TEX2: variants seen among roughly 807,000 people sequenced by gnomAD.
The protein encoded by TEX2 is testis-expressed protein 2.
A neutral mutation model predicts 106.9 loss-of-function variants in TEX2; 53 were observed. The observed-to-expected ratio is 0.50, with a 90% CI of 0.40 to 0.62. TEX2 has a LOEUF of 0.62. Among genes scored for constraint, TEX2 ranks in the 20% least tolerant of loss-of-function variants. TEX2 has a pLI of 0.00. For synonymous variants in TEX2, 523 were observed against 534.8 expected (o/e 0.98, Z 0.30); for missense variants, 1,207 against 1,379.0 (o/e 0.88, Z 1.98).
chr17:64,147,997 G>A lies in TEX2; in HGVS notation c.*972C>T, dbSNP rs773215030. 1 of 152,564 alleles carries A rather than the reference G, an allele frequency of 6.6e-6. No individual in the cohort carries two copies. The highest frequency in any genetic ancestry group is 2.1e-4 in the South Asian group (1 of 4,830). The allele number at this position is 152,564 out of a possible 1,614,324, so 9.5% of individuals were successfully genotyped here. ...TAATTTTGAGATGTAGTGTGATGCTGAGCAAACTTTTGGTCTTGACTCTTG... is the reference window on the plus strand; with the variant it reads ...TAATTTTGAGATGTAGTGTGATGCTAAGCAAACTTTTGGTCTTGACTCTTG... On this transcript the variant is annotated 3_prime_UTR_variant, in exon 12 of 12. Transcript: ENST00000584379.
chr17:64,221,012 T>C (rs1363957553), intron 1 of TEX2, among the ~76,000 whole-genome samples: 2 of 152,192 alleles, frequency 1.3e-5, no homozygotes, highest in African/African-American at 4.8e-5. Flanking sequence ...CATGGAATAC[T>C]ATGCAGCCAT....
In TEX2 at chr17:64,150,937, A is replaced by G. The variant is rs766071039; in HGVS notation, c.3165T>C (p.His1055=). Residue 1055 remains histidine, a synonymous_variant, in exon 11 of 12, where the codon CAT becomes CAC. Coordinates refer to ENST00000584379, the MANE Select transcript of TEX2 (RefSeq NM_001288732.2). The part of the protein sequence containing the change: ...RVWYGFRKPP[H]VELKARPKLG... Reference sequence around the variant, plus strand: ...GTTTTGGCCGAGCTTTCAGCTCCACATGTGGTGGCTTTCGGAAACCATACC... The same window carrying G: ...GTTTTGGCCGAGCTTTCAGCTCCACGTGTGGTGGCTTTCGGAAACCATACC... The G allele has an allele frequency of 6.2e-7, 1 of 1,614,008 alleles. No homozygotes were observed. Among genetic ancestry groups the G allele is most frequent in the South Asian group, 1.1e-5 (1 of 91,038 alleles).
chr17:64,259,042 C>G (rs906334002), intron 1 of TEX2, among the ~76,000 whole-genome samples: 1 of 152,182 alleles, frequency 6.6e-6, no homozygotes, highest in Non-Finnish European at 1.5e-5. Flanking sequence ...GCCACCGCGC[C>G]CTGTCCTGGA....
At chr17:64,251,538 C>T (rs1434588429) in intron 1 of TEX2, among the ~76,000 whole-genome samples, 1 of 152,194 alleles carries the variant, frequency 6.6e-6, no homozygotes, top group East Asian at 1.9e-4. Flanking sequence ...AACATTATCT[C>T]GGCATCAAGT....
intron 5 of TEX2, among the ~76,000 whole-genome samples, chr17:64,181,431 G>A (rs929245451): frequency 7.0e-6 from 1 of 142,948 alleles, no homozygotes; most frequent in Non-Finnish European, 1.5e-5. Context: ...GGCCGAGACC[G>A]TGCCACTGTA....
At position 64,160,923 on chromosome 17, in the gene TEX2, A is replaced by T; in HGVS notation, c.2682T>A (p.Ile894=). The change falls in exon 8 of 12, where the codon ATT becomes ATA. Residue 894 remains isoleucine, a synonymous_variant. Coordinates refer to ENST00000584379, the MANE Select transcript of TEX2 (RefSeq NM_001288732.2). ...ACCCATTGTAGGACATTTCCAAATC[A>T]ATCCAGAGTCCTGGAGAAATGGTGA... The part of the protein sequence containing the change: ...KPYVDHQGLW[I]DLEMSYNGSF... The T allele has an allele frequency of 1.9e-6, 3 of 1,613,806 alleles. No homozygotes were observed. The highest frequency in any genetic ancestry group is 8.5e-7 in the Non-Finnish European group (1 of 1,179,928).
At chr17:64,206,892 A>G (rs2032852494) in intron 2 of TEX2, among the ~76,000 whole-genome samples, 1 of 152,104 alleles carries the variant, frequency 6.6e-6, no homozygotes, top group Non-Finnish European at 1.5e-5. Flanking sequence ...TAGACAGTAC[A>G]GCTGCTGATC....
chr17:64,242,096 A>C (rs1555635830), intron 1 of TEX2, among the ~76,000 whole-genome samples: 2 of 152,258 alleles, frequency 1.3e-5, no homozygotes, highest in Non-Finnish European at 2.9e-5. Flanking sequence ...ATGAAGGAAC[A>C]CTGCACATAA....
intron 7 of TEX2, among the ~76,000 whole-genome samples, chr17:64,163,904 A>G (rs2031000261): frequency 6.6e-6 from 1 of 152,230 alleles, no homozygotes; most frequent in African/African-American, 2.4e-5. Context: ...ACTTAGCTGT[A>G]GGCATTTCAC....
intron 8 of TEX2, among the ~76,000 whole-genome samples, chr17:64,156,843 C>G (rs1294398612): frequency 2.6e-5 from 4 of 152,224 alleles, no homozygotes; most frequent in Admixed American, 2.6e-4. Context: ...AGCCACTGCT[C>G]CTTGTGTCCC....
intron 7 of TEX2, among the ~76,000 whole-genome samples, chr17:64,165,164 T>C (rs920704318): frequency 6.6e-6 from 1 of 152,176 alleles, no homozygotes; most frequent in African/African-American, 2.4e-5. Flanking sequence ...CAAGAACAGA[T>C]GTTGGAGTTA....
chr17:64,224,024 T>C (rs1214121423), intron 1 of TEX2, among the ~76,000 whole-genome samples: 3 of 152,216 alleles, frequency 2.0e-5, no homozygotes, highest in Non-Finnish European at 4.4e-5. Context: ...AGGTCATTAT[T>C]CACATTCTTT....
chr17:64,240,866 C>CTG (rs1339085976), intron 1 of TEX2, among the ~76,000 whole-genome samples: 1 of 152,152 alleles, frequency 6.6e-6, no homozygotes, highest in Non-Finnish European at 1.5e-5. Flanking sequence ...TTAATGTACT[C>CTG]TGGGACTCTG....
intron 1 of TEX2, among the ~76,000 whole-genome samples, chr17:64,232,879 A>C (rs958325496): frequency 7.2e-5 from 11 of 152,230 alleles, no homozygotes; most frequent in Admixed American, 3.9e-4. Flanking sequence ...TCCTTTGCAG[A>C]TGGCATGAGC....
chr17:64,197,915 C>T (rs2032528781), intron 2 of TEX2, among the ~76,000 whole-genome samples: 2 of 152,084 alleles, frequency 1.3e-5, no homozygotes, highest in Non-Finnish European at 2.9e-5. Context: ...GTATTACCTG[C>T]AATTTCTGAT....
Position 64,212,580 on chromosome 17 carries a change from T to G in TEX2, c.1638A>C (p.Ile546=), listed in dbSNP as rs764550107. The change falls in exon 2 of 12, where the codon ATA becomes ATC. Residue 546 remains isoleucine (I), a synonymous_variant. Coordinates refer to ENST00000584379, the MANE Select transcript of TEX2 (RefSeq NM_001288732.2). ...TRSLDIKEPE[I]LKGWMNEIYN... ...CTCCCGGGGAGAGGCTTACCTTCAG[T>G]ATTTCAGGTTCTTTGATATCCAGAG... 39 of 1,612,950 alleles carry G rather than the reference T, an allele frequency of 2.4e-5. No homozygotes were observed. The highest frequency in any genetic ancestry group is 5.3e-5 in the African/African-American group (4 of 74,872).
In TEX2 at chr17:64,214,018, G is replaced by A. The variant is rs2033111308; in HGVS notation, c.200C>T (p.Thr67Ile). 1.2e-6 allele frequency: 2 copies of A among 1,614,058 alleles called. No homozygotes were observed. Among genetic ancestry groups the A allele is most frequent in the South Asian group, 2.2e-5 (2 of 91,088 alleles). The change falls in exon 2 of 12, where the codon ACA becomes ATA. Residue 67 changes from threonine (T) to isoleucine (I), a missense_variant. Transcript: ENST00000584379. ...EEGLDDQSIV[T>I]GLEAKEDLYL... is the part of the protein sequence containing the mutation. ...GAGGTCTTCCTTGGCTTCCAGCCCT[G>A]TTACAATGCTTTGGTCATCCAGCCC...
rs1461992120 is a variant in TEX2 at position 64,191,317 on chromosome 17, T to A, written c.2176+2242A>T. Among the ~76,000 whole-genome samples, 3 of 152,178 alleles carry A rather than the reference T, an allele frequency of 2.0e-5. No individual in the cohort carries two copies. In the East Asian group the frequency reaches 5.8e-4, roughly 29 times the overall value. On this transcript the variant is annotated intron_variant, in intron 4 of 11. Transcript: ENST00000584379. Reference sequence around the variant, plus strand: ...GTTAAAAATAATCAAATGCTTTATTTAAGTCCATGAATAACATGCCTCTTT... The same window carrying A: ...GTTAAAAATAATCAAATGCTTTATTAAAGTCCATGAATAACATGCCTCTTT...
At position 64,150,801 on chromosome 17, in the gene TEX2, T is replaced by C. The variant is rs2291678; in HGVS notation, c.3261+40A>G. 157,914 of 1,587,764 alleles carry C rather than the reference T, an allele frequency of 0.099. 8,778 individuals carry two copies. The highest frequency in any genetic ancestry group is 0.11 in the Non-Finnish European group (130,587 of 1,167,578). On this transcript the variant is annotated intron_variant, in intron 11 of 11. Coordinates refer to ENST00000584379, the MANE Select transcript of TEX2 (RefSeq NM_001288732.2). ...GAACCTCGGCTAAACCCAGAGCTTC[T>C]ATACTTGGTGTGAAATACTAGATAA...
Sources: allele counts gnomAD v4.1 joint callset (sites outside exome capture counted in the v4.1 genomes callset), GRCh38; gene constraint gnomAD v4.1.1; transcripts MANE v1.5; gene names NCBI Gene and HGNC (gene_info 2026-07-23, HGNC 2026-07-21).